MAN2B2: variants seen among roughly 807,000 people sequenced by gnomAD.
MAN2B2 encodes epididymis-specific alpha-mannosidase.
MAN2B2 carries 106 observed loss-of-function variants against 117.1 expected under a neutral mutation model. The observed-to-expected ratio is 0.90, with a 90% CI of 0.77 to 1.06. The LOEUF is 1.06. Ranked by LOEUF, MAN2B2 falls within the 50% of genes least tolerant of loss-of-function variation. The probability of loss-of-function intolerance (pLI) is 0.00; values close to 1 mark genes in which losing one functional copy is unlikely to be tolerated. For synonymous variants in MAN2B2, 544 were observed against 595.1 expected (o/e 0.91, Z 1.25); for missense variants, 1,326 against 1,381.4 (o/e 0.96, Z 0.64).
intron 3 of MAN2B2, among the ~76,000 whole-genome samples, chr4:6,579,341 C>T (rs1368349688): frequency 8.5e-6 from 1 of 117,848 alleles, no homozygotes; most frequent in African/African-American, 3.2e-5. Context: ...CCACCACCAC[C>T]ATCACCATCA....
At chr4:6,599,478 C>T (rs375703408) in intron 9 of MAN2B2, among the ~76,000 whole-genome samples, 5 of 151,856 alleles carry the variant, frequency 3.3e-5, no homozygotes, top group East Asian at 1.9e-4. Flanking sequence ...CTGGCTAACA[C>T]GGTGAAAACC....
intron 15 of MAN2B2, among the ~76,000 whole-genome samples, chr4:6,613,227 C>T (rs11730742): frequency 0.17 from 25,628 of 152,016 alleles, 2,280 homozygotes; most frequent in Admixed American, 0.25. Context: ...GGCTGAGGTG[C>T]CTTCTGAGCA....
chr4:6,609,577 A>G (rs1461933469), intron 12 of MAN2B2: 1 of 642,942 alleles, frequency 1.6e-6, no homozygotes, highest in Non-Finnish European at 2.7e-6. Context: ...GAGCAGACGT[A>G]AGGCAGGCCC....
intron 16 of MAN2B2, 97 bp downstream of exon 16, chr4:6,614,452 A>C: frequency 7.0e-7 from 1 of 1,430,164 alleles, no homozygotes; most frequent in East Asian, 2.4e-5. Context: ...CCTTAGAGCT[A>C]TCATGGCTCT....
In MAN2B2 at chr4:6,605,171, C is replaced by G. The variant is rs1232402559; in HGVS notation, c.1656C>G (p.Thr552=). 5.6e-6 allele frequency: 9 copies of G among 1,614,056 alleles called. No homozygotes were observed. Among genetic ancestry groups the G allele is most frequent in the Non-Finnish European group, 7.6e-6 (9 of 1,180,024 alleles). The change falls in exon 11 of 19, where the codon ACC becomes ACG. Residue 552 remains threonine, a synonymous_variant. Coordinates refer to ENST00000285599, the MANE Select transcript of MAN2B2 (RefSeq NM_015274.3). ...IRPTAGAQEG[T]QEPAATVAST... The stretch of plus-strand genomic sequence containing the variant: ...CCACTGCAGGGGCCCAAGAGGGCAC[C>G]CAGGAGCCGGCTGCCACTGTGGCGA...
intron 11 of MAN2B2, among the ~76,000 whole-genome samples, chr4:6,606,952 C>T (rs1560656955): frequency 6.6e-6 from 1 of 152,146 alleles, no homozygotes; most frequent in African/African-American, 2.4e-5. Flanking sequence ...CTTCACATAA[C>T]ACACAATTCA....
At chr4:6,617,355 T>C in intron 16 of MAN2B2, 25 bp from the exon 17 acceptor site, 4 of 1,602,698 alleles carry the variant, frequency 2.5e-6, no homozygotes, top group East Asian at 2.2e-5. Flanking sequence ...GGGTCTTCAC[T>C]GCCACCTTCC....
In MAN2B2 at chr4:6,600,687, C is replaced by G. The variant is rs183389770; in HGVS notation, c.1470C>G (p.Ile490Met). 6.2e-7 allele frequency: 1 copy of G among 1,614,058 alleles called. No individual in the cohort carries two copies. Among genetic ancestry groups the G allele is most frequent in the Middle Eastern group, 1.7e-4 (1 of 6,056 alleles). The change falls in exon 10 of 19, where the codon ATC (isoleucine) becomes ATG (methionine). Residue 490 changes from isoleucine to methionine, a missense_variant. Ile to Met is a conservative substitution (Grantham distance 10). Transcript: ENST00000285599. ...YNPLAWTVTTIVTLTVGFPGV... is the reference protein window; with the variant it reads ...YNPLAWTVTTMVTLTVGFPGV... ...CGCTGGCCTGGACGGTCACCACCAT[C>G]GTCACCCTGACTGTTGGTTTCCCTG...
At chr4:6,583,190 TA>T (rs1726503099) in intron 3 of MAN2B2, among the ~76,000 whole-genome samples, 1 of 152,196 alleles carries the variant, frequency 6.6e-6, no homozygotes. Context: ...AGCTTCCTTG[TA>T]AAAGGCGACC....
At chr4:6,578,988 T>TCACTAC (rs1171092836) in intron 3 of MAN2B2, among the ~76,000 whole-genome samples, 1 of 124,854 alleles carries the variant, frequency 8.0e-6, no homozygotes, top group Non-Finnish European at 1.7e-5. Flanking sequence ...ACGATGACCA[T>TCACTAC]CACTACCACT....
intron 2 of MAN2B2, 111 bp downstream of exon 2, chr4:6,576,835 C>T: frequency 6.8e-6 from 9 of 1,323,678 alleles, no homozygotes; most frequent in Non-Finnish European, 9.5e-6. Context: ...GCATAAACCA[C>T]AGGGCCAAAA....
In MAN2B2 at chr4:6,621,254, G is replaced by C. The variant is rs757830667; in HGVS notation, c.2999G>C (p.Arg1000Pro). The change falls in exon 19 of 19, where the codon CGG becomes CCG. Residue 1000 changes from arginine (R) to proline (P), a missense_variant. Arg to Pro is a moderately radical substitution (Grantham distance 103). Coordinates refer to ENST00000285599, the MANE Select transcript of MAN2B2 (RefSeq NM_015274.3). ...ATCACCGTCCACCCAAAGGAAATCC[G>C]GACGTTCTTTATTCACTTTCAACAG... is the stretch of plus-strand genomic sequence containing the variant. ...PIITVHPKEI[R>P]TFFIHFQQQ 6.2e-7 allele frequency: 1 copy of C among 1,614,096 alleles called. No individual in the cohort carries two copies. The highest frequency in any genetic ancestry group is 8.5e-7 in the Non-Finnish European group (1 of 1,179,990).
In MAN2B2 at chr4:6,605,120, C is replaced by T. The variant is rs775386112; in HGVS notation, c.1605C>T (p.Leu535=). The T allele has an allele frequency of 1.9e-6, 3 of 1,613,970 alleles. No homozygotes were observed. In the East Asian group the frequency reaches 6.7e-5, roughly 36 times the overall value. The change falls in exon 11 of 19, where the codon CTC becomes CTT. Residue 535 remains leucine (L), a synonymous_variant. Coordinates refer to ENST00000285599, the MANE Select transcript of MAN2B2 (RefSeq NM_015274.3). ...DLLILTTIPG[L]SYRHYNIRPT... is the part of the protein sequence containing the mutation. The stretch of plus-strand genomic sequence containing the variant: ...TTATTCTGACCACAATCCCAGGCCT[C>T]AGTTACCGGCACTACAACATCAGAC...
intron 10 of MAN2B2, among the ~76,000 whole-genome samples, chr4:6,602,584 C>G (rs1727374388): frequency 6.6e-6 from 1 of 152,164 alleles, no homozygotes; most frequent in Admixed American, 6.5e-5. Context: ...ATCACTCATG[C>G]CAAGTGGGAG....
At chr4:6,599,402 C>A (rs1220579671) in intron 9 of MAN2B2, among the ~76,000 whole-genome samples, 4 of 152,106 alleles carry the variant, frequency 2.6e-5, no homozygotes, top group Non-Finnish European at 5.9e-5. Context: ...GTGGCTCACA[C>A]CTGTAATCCC....
intron 5 of MAN2B2, among the ~76,000 whole-genome samples, chr4:6,590,711 C>T (rs1726823402): frequency 6.6e-6 from 1 of 152,210 alleles, no homozygotes; most frequent in African/African-American, 2.4e-5. Flanking sequence ...GCTGTGGATG[C>T]AGGGGGAAGG....
intron 2 of MAN2B2, among the ~76,000 whole-genome samples, chr4:6,578,127 A>G (rs1009578951): frequency 6.6e-6 from 1 of 152,228 alleles, no homozygotes; most frequent in Non-Finnish European, 1.5e-5. Context: ...AAACTTTTCT[A>G]AAGTTTAGAA....
intron 18 of MAN2B2, 167 bp downstream of exon 18, chr4:6,620,211 TAAGA>T (rs1712103502): frequency 1.7e-6 from 1 of 589,558 alleles, no homozygotes; most frequent in Admixed American, 3.0e-5. Context: ...TACAGTCGGT[TAAGA>T]AAGGCTTTGG....
chr4:6,590,275 C>T (rs1385854986), intron 5 of MAN2B2, among the ~76,000 whole-genome samples: 1 of 151,562 alleles, frequency 6.6e-6, no homozygotes, highest in African/African-American at 2.4e-5. Flanking sequence ...ATCCCAACTA[C>T]TTGGGAGGCT....
Sources: allele counts gnomAD v4.1 joint callset (sites outside exome capture counted in the v4.1 genomes callset), GRCh38; gene constraint gnomAD v4.1.1; transcripts MANE v1.5; gene names NCBI Gene and HGNC (gene_info 2026-07-23, HGNC 2026-07-21).